The following MCTP1 variants were observed in gnomAD, a reference collection of about 807,000 sequenced individuals.
The protein encoded by MCTP1 is multiple C2 and transmembrane domain containing 1.
MCTP1 carries 69 observed loss-of-function variants against 120.6 expected under a neutral mutation model. The ratio of observed to expected loss-of-function variants is 0.57; its 90% confidence interval spans 0.47 to 0.70. The LOEUF (loss-of-function observed/expected upper bound fraction) is 0.70, where lower values mean the gene tolerates loss of function less well. Ranked by LOEUF, MCTP1 falls within the 30% of genes least tolerant of loss-of-function variation. The pLI is 0.00. For missense variants in MCTP1, 1,203 were observed against 1,248.8 expected (o/e 0.96, Z 0.55); for synonymous variants, 529 against 493.1 (o/e 1.07, Z -0.96).
chr5:95,026,304 T>C (rs1335999950), intron 1 of MCTP1, among the ~76,000 whole-genome samples: 1 of 152,136 alleles, frequency 6.6e-6, no homozygotes, highest in Non-Finnish European at 1.5e-5. Flanking sequence ...TACAATCCAA[T>C]TATATACCTT....
chr5:94,753,848 G>A (rs1300335476), intron 19 of MCTP1, among the ~76,000 whole-genome samples: 2 of 152,168 alleles, frequency 1.3e-5, no homozygotes, highest in Admixed American at 6.5e-5. Flanking sequence ...GTGTTCAGTT[G>A]CCAGTGCATG....
chr5:95,133,610 G>A (rs112310532), intron 1 of MCTP1, among the ~76,000 whole-genome samples: 197 of 152,316 alleles, frequency 1.3e-3, no homozygotes, highest in Non-Finnish European at 2.1e-3. Flanking sequence ...AGCCGAGATC[G>A]TGCCATTGCA....
intron 1 of MCTP1, among the ~76,000 whole-genome samples, chr5:95,248,151 T>C (rs1253257671): frequency 6.6e-6 from 1 of 152,094 alleles, no homozygotes; most frequent in African/African-American, 2.4e-5. Flanking sequence ...CTATTCAACA[T>C]AGTATTGGAA....
chr5:95,172,878 C>T (rs1425012855), intron 1 of MCTP1, among the ~76,000 whole-genome samples: 7 of 152,046 alleles, frequency 4.6e-5, no homozygotes, highest in Admixed American at 3.9e-4. Flanking sequence ...TGAGAGAACA[C>T]AATAAACACC....
In MCTP1 at chr5:95,111,659, T is replaced by C. The variant is rs550799147; in HGVS notation, c.721-94175A>G. Reference sequence around the variant, plus strand: ...AGACAGAACTTTTCACTGAAAACCATATATGCAAAAAATACAATTATTATC... The same window carrying C: ...AGACAGAACTTTTCACTGAAAACCACATATGCAAAAAATACAATTATTATC... On this transcript the variant is annotated intron_variant, in intron 1 of 22. Coordinates refer to ENST00000515393, the MANE Select transcript of MCTP1 (RefSeq NM_024717.7). Among the ~76,000 whole-genome samples the C allele has an allele frequency of 1.8e-4, 28 of 152,286 alleles. No homozygotes were observed. In the South Asian group the frequency reaches 5.8e-3, roughly 32 times the overall value.
At chr5:95,248,929 T>A (rs1284934778) in intron 1 of MCTP1, among the ~76,000 whole-genome samples, 1 of 152,164 alleles carries the variant, frequency 6.6e-6, no homozygotes, top group African/African-American at 2.4e-5. Flanking sequence ...CCCTGTTTAA[T>A]AAATGGTGCT....
At chr5:94,969,756 T>C (rs567001912) in intron 2 of MCTP1, among the ~76,000 whole-genome samples, 52 of 152,248 alleles carry the variant, frequency 3.4e-4, no homozygotes, top group African/African-American at 1.2e-3. Flanking sequence ...GAGGGTATCC[T>C]TGTAGAATAA....
chr5:94,739,287 A>G (rs907431757), intron 19 of MCTP1: 1 of 152,220 alleles, frequency 6.6e-6, no homozygotes, highest in Non-Finnish European at 1.5e-5. Flanking sequence ...AACACATTAG[A>G]CAAGAATGTG....
At chr5:95,232,981 T>C (rs965056564) in intron 1 of MCTP1, among the ~76,000 whole-genome samples, 6 of 152,178 alleles carry the variant, frequency 3.9e-5, no homozygotes, top group African/African-American at 1.4e-4. Context: ...CCTCATAGAA[T>C]TGTAAGGAGA....
chr5:94,937,979 G>A (rs936883452), intron 5 of MCTP1, among the ~76,000 whole-genome samples: 5 of 151,972 alleles, frequency 3.3e-5, no homozygotes, highest in South Asian at 4.1e-4. Context: ...CCCAGCATAA[G>A]AATATTCTAT....
chr5:95,240,890 T>C (rs961168914), intron 1 of MCTP1, among the ~76,000 whole-genome samples: 1 of 152,054 alleles, frequency 6.6e-6, no homozygotes, highest in Non-Finnish European at 1.5e-5. Context: ...TCCTTTTTTG[T>C]TGTCTTCTCT....
At chr5:94,825,759 A>C (rs1200459953) in intron 17 of MCTP1, among the ~76,000 whole-genome samples, 1 of 151,752 alleles carries the variant, frequency 6.6e-6, no homozygotes. Flanking sequence ...ACATACATAC[A>C]TATACATATA....
intron 2 of MCTP1, among the ~76,000 whole-genome samples, chr5:94,986,466 T>G (rs966147196): frequency 1.3e-5 from 2 of 152,148 alleles, no homozygotes; most frequent in South Asian, 4.1e-4. Flanking sequence ...CAACCAGTAG[T>G]TCAAACTTCA....
intron 1 of MCTP1, among the ~76,000 whole-genome samples, chr5:95,249,655 G>T (rs1249965391): frequency 6.6e-6 from 1 of 152,096 alleles, no homozygotes; most frequent in East Asian, 1.9e-4. Context: ...TCACATTACT[G>T]GGTATATACC....
At chr5:94,856,182 T>C (rs1794701992) in intron 17 of MCTP1, among the ~76,000 whole-genome samples, 1 of 151,746 alleles carries the variant, frequency 6.6e-6, no homozygotes, top group Non-Finnish European at 1.5e-5. Context: ...ATTAAACAAG[T>C]AATAATTAAG....
At chr5:95,076,945 A>G (rs1000360949) in intron 1 of MCTP1, among the ~76,000 whole-genome samples, 5 of 152,088 alleles carry the variant, frequency 3.3e-5, no homozygotes, top group Admixed American at 1.3e-4. Flanking sequence ...TATTTTCTGT[A>G]TTCCCTCCCC....
intron 12 of MCTP1, among the ~76,000 whole-genome samples, chr5:94,878,723 A>T (rs1199154270): frequency 3.3e-5 from 5 of 152,112 alleles, no homozygotes; most frequent in Admixed American, 1.3e-4. Context: ...CAGAAAAGGG[A>T]AATGTGTCTG....
rs566928108 is a variant in MCTP1, at chr5:94,750,204, G to A, written c.2610+28906C>T. On this transcript the variant is annotated intron_variant, in intron 19 of 22. Coordinates refer to ENST00000515393, the MANE Select transcript of MCTP1 (RefSeq NM_024717.7). Reference sequence around the variant, plus strand: ...TAGGCAGTCGCAGAGGGAGCTACCCGCCACAAGAACCCGTGATCATATCTC... The same window carrying A: ...TAGGCAGTCGCAGAGGGAGCTACCCACCACAAGAACCCGTGATCATATCTC... Among the ~76,000 whole-genome samples the A allele has an allele frequency of 9.2e-5, 14 of 152,292 alleles. 1 individual carries two copies. The highest frequency in any genetic ancestry group is 5.2e-4 in the Admixed American group (8 of 15,288).
intron 1 of MCTP1, among the ~76,000 whole-genome samples, chr5:95,247,018 T>A (rs1756869530): frequency 1.3e-5 from 2 of 152,228 alleles, no homozygotes; most frequent in Admixed American, 1.3e-4. Context: ...ATCCATTTGG[T>A]CCTAGACTTT....
Sources: allele counts gnomAD v4.1 joint callset (sites outside exome capture counted in the v4.1 genomes callset), GRCh38; gene constraint gnomAD v4.1.1; transcripts MANE v1.5; gene names NCBI Gene and HGNC (gene_info 2026-07-23, HGNC 2026-07-21).